LINC00632: variants seen among roughly 807,000 people sequenced by gnomAD.
LINC00632 encodes the protein long independently transcribed non-coding RNA 632, also known as ALDOA related specific transcript.
intron 3 of LINC00632, among the ~76,000 whole-genome samples, chrX:140,754,473 T>C (rs1401658457): frequency 8.9e-6 from 1 of 111,987 alleles, no homozygotes; most frequent in Non-Finnish European, 1.9e-5. Flanking sequence ...ACTGTTTCTC[T>C]CTTCAGTACT....
chrX:140,744,567 T>TGGG (rs373766988), intron 3 of LINC00632, among the ~76,000 whole-genome samples: 3 of 18,213 alleles, frequency 1.6e-4, no homozygotes, highest in African/African-American at 3.8e-4. Flanking sequence ...AGCTTTTTTT[T>TGGG]GGGGGGGGGG....
intron 2 of LINC00632, among the ~76,000 whole-genome samples, chrX:140,724,650 A>T (rs1345745639): frequency 1.1e-5 from 1 of 92,732 alleles, no homozygotes; most frequent in African/African-American, 3.9e-5. Flanking sequence ...TTCCATACAC[A>T]CAGAGACACG....
At chrX:140,784,573 A>G in exon 5 of LINC00632, 1 of 476,509 alleles carries the variant, frequency 2.1e-6, no homozygotes, top group East Asian at 3.6e-5. Context: ...CCAGTCTTCC[A>G]TCAACTGGCT....
exon 5 of LINC00632, chrX:140,783,533 C>T (rs776443869): frequency 1.7e-6 from 2 of 1,143,070 alleles, no homozygotes; most frequent in Admixed American, 2.6e-5. Flanking sequence ...CTGTGTCTTC[C>T]ACCAAATCCA....
intron 3 of LINC00632, among the ~76,000 whole-genome samples, chrX:140,747,299 G>A (rs1347249701): frequency 4.5e-5 from 5 of 110,994 alleles, no homozygotes; most frequent in African/African-American, 1.6e-4. Context: ...AGGCCAAGGC[G>A]GGTGGATTTC....
intron 1 of LINC00632, among the ~76,000 whole-genome samples, chrX:140,711,027 C>T (rs1215011250): frequency 9.0e-6 from 1 of 111,523 alleles, no homozygotes; most frequent in Non-Finnish European, 1.9e-5. Context: ...TCTATACATA[C>T]TGACATGCAA....
At chrX:140,766,123 T>C (rs1404117671) in intron 3 of LINC00632, among the ~76,000 whole-genome samples, 2 of 111,841 alleles carry the variant, frequency 1.8e-5, no homozygotes, top group South Asian at 3.7e-4. Context: ...GAACGGTCAT[T>C]GTCGGCATCG....
At chrX:140,748,988 G>A (rs1311523232) in intron 3 of LINC00632, among the ~76,000 whole-genome samples, 1 of 109,082 alleles carries the variant, frequency 9.2e-6, no homozygotes, top group Non-Finnish European at 1.9e-5. Context: ...TAACTTTTTA[G>A]ATGTGGAAGA....
intron 2 of LINC00632, among the ~76,000 whole-genome samples, chrX:140,728,022 C>T (rs904004087): frequency 9.9e-5 from 11 of 111,248 alleles, no homozygotes; most frequent in African/African-American, 3.6e-4. Flanking sequence ...GGGCGGATCA[C>T]CTGACATTGG....
chrX:140,725,870 C>A (rs1334888552), intron 2 of LINC00632, among the ~76,000 whole-genome samples: 1 of 111,616 alleles, frequency 9.0e-6, no homozygotes, highest in African/African-American at 3.3e-5. Context: ...ATGAACAACA[C>A]AGACAAATCA....
At chrX:140,787,385 A>G (rs1027926102) in exon 5 of LINC00632, among the ~76,000 whole-genome samples, 6 of 111,701 alleles carry the variant, frequency 5.4e-5, no homozygotes, top group African/African-American at 1.9e-4. Flanking sequence ...TAATTTTAAT[A>G]TATAATTTAC....
At chrX:140,752,202 GAA>G (rs758858509) in intron 3 of LINC00632, among the ~76,000 whole-genome samples, 1 of 111,742 alleles carries the variant, frequency 8.9e-6, no homozygotes, top group East Asian at 2.8e-4. Context: ...CCATGAGCAA[GAA>G]ACAAATTTTT....
chrX:140,768,616 AC>A (rs1187366337), intron 3 of LINC00632, among the ~76,000 whole-genome samples: 3 of 84,648 alleles, frequency 3.5e-5, no homozygotes, highest in Non-Finnish European at 6.9e-5. Flanking sequence ...TATATTTATC[AC>A]ATAATAAATA....
chrX:140,710,011 G>A (rs1930482929), intron 1 of LINC00632, among the ~76,000 whole-genome samples: 2 of 112,091 alleles, frequency 1.8e-5, no homozygotes, highest in Admixed American at 1.9e-4. Context: ...TGATGGAGTT[G>A]CTAGGAGGCA....
At chrX:140,790,456 A>G (rs956728669) in exon 5 of LINC00632, among the ~76,000 whole-genome samples, 1 of 111,126 alleles carries the variant, frequency 9.0e-6, no homozygotes, top group African/African-American at 3.3e-5. Context: ...TGCTTTAATT[A>G]CTGTAGCATT....
At position 140,720,618 on chromosome X, in the gene LINC00632, G is replaced by T. The variant is rs146409501; in HGVS notation, n.104+8962G>T. On this transcript the variant is annotated intron_variant and non_coding_transcript_variant, in intron 2 of 4. Transcript: ENST00000648200. ...GATATGATTCACAATACTAAGACTT[G>T]CTGTAACACATGCCAACTTCTCCAA... Among the ~76,000 whole-genome samples, 239 of 111,850 alleles carry T rather than the reference G, an allele frequency of 2.1e-3. 2 individuals are homozygous for T. Among genetic ancestry groups the T allele is most frequent in the African/African-American group, 7.7e-3 (236 of 30,798 alleles).
intron 2 of LINC00632, among the ~76,000 whole-genome samples, chrX:140,718,787 A>C (rs1930681439): frequency 8.9e-6 from 1 of 111,818 alleles, no homozygotes; most frequent in Admixed American, 9.6e-5. Context: ...TTATCACACA[A>C]CAGCTAGACA....
intron 2 of LINC00632, among the ~76,000 whole-genome samples, chrX:140,728,775 C>A (rs1931008226): frequency 9.0e-6 from 1 of 111,494 alleles, no homozygotes; most frequent in Non-Finnish European, 1.9e-5. Context: ...CACTTAGAAT[C>A]AAATTAGACA....
At chrX:140,768,640 AATATATTTATT>A (rs1249326933) in intron 3 of LINC00632, among the ~76,000 whole-genome samples, 1 of 61,316 alleles carries the variant, frequency 1.6e-5, no homozygotes, top group East Asian at 5.6e-4. Flanking sequence ...TATACTATAT[AATATATTTATT>A]ATATATAATA....
Sources: gnomAD v4.1 joint callset for allele counts (sites outside exome capture counted in the v4.1 genomes callset) on GRCh38, gnomAD v4.1.1 for gene constraint, MANE v1.5 for transcripts, NCBI Gene and HGNC (gene_info 2026-07-23, HGNC 2026-07-21) for gene names.